FCRL5: variants seen among roughly 807,000 people sequenced by gnomAD.
FCRL5 encodes the protein Fc receptor like 5, also known as Fc receptor-like protein 5.
In FCRL5, 79 loss-of-function variants were observed where a neutral mutation model predicts 92.1. The observed-to-expected ratio is 0.86, with a 90% CI of 0.72 to 1.03. The LOEUF (loss-of-function observed/expected upper bound fraction) is 1.03, where lower values mean the gene tolerates loss of function less well. Among genes scored for constraint, FCRL5 ranks in the 50% least tolerant of loss-of-function variants. FCRL5 has a pLI of 0.00. For synonymous variants in FCRL5, 466 were observed against 469.3 expected (o/e 0.99, Z 0.09); for missense variants, 1,160 against 1,181.1 (o/e 0.98, Z 0.26).
At chr1:157,536,852 A>C (rs912176870) in intron 7 of FCRL5, among the ~76,000 whole-genome samples, 1 of 152,254 alleles carries the variant, frequency 6.6e-6, no homozygotes, top group African/African-American at 2.4e-5. Context: ...GACATTTATT[A>C]GTTCCCCAAA....
In FCRL5 at chr1:157,520,916, C is replaced by T. The variant is rs80247041; in HGVS notation, c.2515+101G>A. 1,708 of 1,351,872 alleles carry T rather than the reference C, an allele frequency of 1.3e-3. 27 individuals are homozygous for T. In the East Asian group the frequency reaches 0.033, roughly 27 times the overall value. The allele number at this position is 1,351,872 out of a possible 1,614,324, so 83.7% of individuals were successfully genotyped here. A position where few individuals can be genotyped will look rare whatever the true frequency, so the allele number is the denominator to read the frequency against. On this transcript the variant is annotated intron_variant, in intron 11 of 16. Coordinates refer to ENST00000361835, the MANE Select transcript of FCRL5 (RefSeq NM_031281.3). ...GAGAGCTGCCAGCTGTGTTACTTCGCCCTGAGGAGTGCCTTTCTGATCAAG... is the reference window on the plus strand; with the variant it reads ...GAGAGCTGCCAGCTGTGTTACTTCGTCCTGAGGAGTGCCTTTCTGATCAAG...
At position 157,528,278 on chromosome 1, in the gene FCRL5, A is replaced by C. The variant is rs114406060; in HGVS notation, c.1682-383T>G. On this transcript the variant is annotated intron_variant, in intron 8 of 16. Transcript: ENST00000361835. ...CACAAGTAAATGAAAGATATCTATA[A>C]GAAAAACTACAAAACACTGGTGTAA... is the stretch of plus-strand genomic sequence containing the variant. 904 of 155,470 alleles carry C rather than the reference A, an allele frequency of 5.8e-3. 4 individuals carry two copies. Among genetic ancestry groups the C allele is most frequent in the Non-Finnish European group, 9.8e-3 (688 of 70,274 alleles). 9.6% of individuals were successfully genotyped at this position (155,470 alleles called of 1,614,324 possible). A position where few individuals can be genotyped will look rare whatever the true frequency, so the allele number is the denominator to read the frequency against.
At chr1:157,529,528 A>C (rs1371712976) in intron 8 of FCRL5, among the ~76,000 whole-genome samples, 2 of 152,192 alleles carry the variant, frequency 1.3e-5, no homozygotes, top group East Asian at 3.9e-4. Flanking sequence ...TCATGATTGC[A>C]AAACTATGGA....
intron 1 of FCRL5, 135 bp downstream of exon 1, chr1:157,552,197 G>A (rs1651852160): frequency 7.2e-6 from 6 of 836,438 alleles, no homozygotes; most frequent in Admixed American, 2.4e-5. Flanking sequence ...ACAGAGTAAA[G>A]TTCAAAAATA....
chr1:157,516,786 AG>A (rs756188556), intron 15 of FCRL5, among the ~76,000 whole-genome samples: 70 of 152,350 alleles, frequency 4.6e-4, no homozygotes, highest in Admixed American at 2.1e-3. Context: ...ATGAAGAAGC[AG>A]AGTTTGGTCT....
intron 7 of FCRL5, among the ~76,000 whole-genome samples, chr1:157,535,611 T>C (rs1373666991): frequency 6.6e-6 from 1 of 152,312 alleles, no homozygotes; most frequent in East Asian, 1.9e-4. Context: ...TTTTCATGTT[T>C]ATGAATGTAG....
rs1650502741 is a variant in FCRL5 at position 157,527,800 on chromosome 1, A to T, written c.1777T>A (p.Ser593Thr). ...TAAAACCAGTACAGGATTGGGGGAG[A>T]GCCTCTCGGGGCCTCACAGTGAAGC... Reference protein sequence around the residue: ...LELHCEAPRGSPPILYWFYHE... With the variant: ...LELHCEAPRGTPPILYWFYHE... Residue 593 changes from serine (S) to threonine (T), a missense_variant, in exon 9 of 17, where the codon TCT (serine) becomes ACT (threonine). Transcript: ENST00000361835. 2 of 1,613,398 alleles carry T rather than the reference A, an allele frequency of 1.2e-6. No individual in the cohort carries two copies. Among genetic ancestry groups the T allele is most frequent in the African/African-American group, 2.7e-5 (2 of 74,906 alleles).
chr1:157,527,596 C>T lies in FCRL5; in HGVS notation c.1960+21G>A, dbSNP rs773800401. On this transcript the variant is annotated intron_variant, in intron 9 of 16. Coordinates refer to ENST00000361835, the MANE Select transcript of FCRL5 (RefSeq NM_031281.3). ...GGGAGATGGTCTTTTTATTTTTGTGCTGCTGGTTAGGTCAACTTACCTATA... is the reference window on the plus strand; with the variant it reads ...GGGAGATGGTCTTTTTATTTTTGTGTTGCTGGTTAGGTCAACTTACCTATA... 5 of 1,552,118 alleles carry T rather than the reference C, an allele frequency of 3.2e-6. No homozygotes were observed. In the East Asian group the frequency reaches 9.0e-5, roughly 28 times the overall value.
chr1:157,518,947 T>C (rs776135604), intron 13 of FCRL5, 165 bp from the exon 14 acceptor site: 23 of 536,978 alleles, frequency 4.3e-5, no homozygotes, highest in African/African-American at 2.7e-4. Flanking sequence ...ATCATAATCA[T>C]ATTATATATG....
intron 7 of FCRL5, among the ~76,000 whole-genome samples, chr1:157,537,673 G>A (rs1196235675): frequency 6.6e-6 from 1 of 152,002 alleles, no homozygotes; most frequent in Non-Finnish European, 1.5e-5. Context: ...TGGCTTAAGG[G>A]GCATCATGGA....
chr1:157,522,835 G>A (rs994972456), intron 10 of FCRL5: 2 of 152,238 alleles, frequency 1.3e-5, no homozygotes, highest in Admixed American at 1.3e-4. Context: ...AGTATAGAAT[G>A]TAGGAGGTAT....
intron 8 of FCRL5, chr1:157,528,118 G>C: frequency 2.5e-6 from 1 of 399,498 alleles, no homozygotes; most frequent in Non-Finnish European, 4.3e-6. Context: ...GTTCAGTAAA[G>C]TTTCAGGATA....
intron 2 of FCRL5, among the ~76,000 whole-genome samples, chr1:157,549,201 C>T (rs966211498): frequency 1.4e-5 from 2 of 147,998 alleles, no homozygotes; most frequent in Non-Finnish European, 3.0e-5. Flanking sequence ...AACCAAACAC[C>T]GCATGTTCTC....
At chr1:157,549,807 A>G (rs1339121517) in intron 1 of FCRL5, among the ~76,000 whole-genome samples, 2 of 152,078 alleles carry the variant, frequency 1.3e-5, no homozygotes, top group Admixed American at 6.6e-5. Context: ...TAAAAATGGT[A>G]TCTGCCATCA....
At chr1:157,520,151 T>TGG (rs371876702) in intron 12 of FCRL5, among the ~76,000 whole-genome samples, 11 of 152,122 alleles carry the variant, frequency 7.2e-5, no homozygotes, top group Admixed American at 3.9e-4. Context: ...TCCCATTCGT[T>TGG]GGGGGGGTCT....
rs1181341012 is a variant in FCRL5 at position 157,514,317 on chromosome 1, G to A, written c.*1358C>T. ...ACAACTCTGAATGGAGAGGGCTCAGGTTATATACATTCACCCTTTTCATGG... is the reference window on the plus strand; with the variant it reads ...ACAACTCTGAATGGAGAGGGCTCAGATTATATACATTCACCCTTTTCATGG... On this transcript the variant is annotated 3_prime_UTR_variant, in exon 17 of 17. Coordinates refer to ENST00000361835, the MANE Select transcript of FCRL5 (RefSeq NM_031281.3). 2 of 152,254 alleles carry A rather than the reference G, an allele frequency of 1.3e-5. No homozygotes were observed. Among genetic ancestry groups the A allele is most frequent in the Non-Finnish European group, 2.9e-5 (2 of 68,058 alleles). The allele number at this position is 152,254 out of a possible 1,614,324, so 9.4% of individuals were successfully genotyped here. A position where few individuals can be genotyped will look rare whatever the true frequency, so the allele number is the denominator to read the frequency against.
chr1:157,533,366 G>A (rs901452828), intron 8 of FCRL5: 1 of 152,014 alleles, frequency 6.6e-6, no homozygotes, highest in Non-Finnish European at 1.5e-5. Flanking sequence ...TTTGCATTCT[G>A]TATTGTTTTC....
chr1:157,538,993 A>G (rs1388432842), intron 7 of FCRL5, 93 bp downstream of exon 7: 15 of 1,342,588 alleles, frequency 1.1e-5, no homozygotes, highest in Admixed American at 4.2e-5. Flanking sequence ...AAAGAAACAG[A>G]GGATACTAGA....
chr1:157,522,067 C>T (rs1650223322), intron 10 of FCRL5: 1 of 152,178 alleles, frequency 6.6e-6, no homozygotes, highest in African/African-American at 2.4e-5. Flanking sequence ...ATGCAACTGG[C>T]ATAACTATAT....
Sources: allele counts gnomAD v4.1 joint callset (sites outside exome capture counted in the v4.1 genomes callset), GRCh38; gene constraint gnomAD v4.1.1; transcripts MANE v1.5; gene names NCBI Gene and HGNC (gene_info 2026-07-23, HGNC 2026-07-21).